The following DNAH6 variants were observed in gnomAD, a reference collection of about 807,000 sequenced individuals.
The protein encoded by DNAH6 is dynein axonemal heavy chain 6.
In DNAH6, 340 loss-of-function variants were observed where a neutral mutation model predicts 491.4. The observed-to-expected ratio is 0.69, with a 90% confidence interval of 0.63 to 0.76. The LOEUF is 0.76. Ranked by LOEUF, DNAH6 falls within the 30% of genes least tolerant of loss-of-function variation. The probability of loss-of-function intolerance (pLI) is 0.00; values close to 1 mark genes in which losing one functional copy is unlikely to be tolerated. For missense variants in DNAH6, 4,443 were observed against 4,972.2 expected (o/e 0.89, Z 3.20); for synonymous variants, 1,603 against 1,686.1 (o/e 0.95, Z 1.21).
At chr2:84,460,252 A>G in the DNAH6 span, among the ~76,000 whole-genome samples, 3 of 152,324 alleles carry the variant, frequency 2.0e-5, no homozygotes, top group East Asian at 1.9e-4. Flanking sequence ...AGATTGCCCA[A>G]TACTTCCTTT....
intron 22 of DNAH6, among the ~76,000 whole-genome samples, chr2:84,612,910 G>A (rs1251303016): frequency 6.6e-6 from 1 of 151,938 alleles, no homozygotes; most frequent in Non-Finnish European, 1.5e-5. Context: ...GCACTCACTT[G>A]TCATGTTGAA....
intron 37 of DNAH6, among the ~76,000 whole-genome samples, chr2:84,662,999 A>T (rs1691682477): frequency 6.6e-6 from 1 of 152,192 alleles, no homozygotes; most frequent in Admixed American, 6.5e-5. Context: ...CCTCCAGCAA[A>T]TTCCAACAGA....
chr2:84,552,470 T>C (rs1446475193), intron 9 of DNAH6, among the ~76,000 whole-genome samples: 1 of 152,224 alleles, frequency 6.6e-6, no homozygotes, highest in African/African-American at 2.4e-5. Context: ...ATTCATCATT[T>C]GTATTTTGCT....
At chr2:84,621,955 A>C (rs1210439928) in intron 26 of DNAH6, among the ~76,000 whole-genome samples, 2 of 152,144 alleles carry the variant, frequency 1.3e-5, no homozygotes, top group Admixed American at 1.3e-4. Context: ...GTTTTGTAAA[A>C]CTGTCAGGCA....
At chr2:84,787,055 A>G (rs1171568493) in intron 67 of DNAH6, 109 bp from the exon 68 acceptor site, 2 of 722,560 alleles carry the variant, frequency 2.8e-6, no homozygotes, top group Non-Finnish European at 2.2e-6. Context: ...CTGATTTTGC[A>G]GTGTGGGGAT....
At chr2:84,750,331 T>TACC (rs1302651191) in intron 63 of DNAH6, among the ~76,000 whole-genome samples, 1 of 151,766 alleles carries the variant, frequency 6.6e-6, no homozygotes, top group Non-Finnish European at 1.5e-5. Context: ...CACAGACATG[T>TACC]ACCACCACGC....
intron 37 of DNAH6, among the ~76,000 whole-genome samples, chr2:84,666,500 C>T (rs1307715940): frequency 6.6e-6 from 1 of 152,230 alleles, no homozygotes; most frequent in South Asian, 2.1e-4. Flanking sequence ...CTCCCATTCA[C>T]AATTGCTTCA....
chr2:84,742,335 GTCTT>G (rs1434665540), intron 62 of DNAH6, among the ~76,000 whole-genome samples: 9 of 152,112 alleles, frequency 5.9e-5, no homozygotes, highest in Non-Finnish European at 1.0e-4. Flanking sequence ...GAACATGAAA[GTCTT>G]TCTTTTAACA....
intron 4 of DNAH6, among the ~76,000 whole-genome samples, chr2:84,535,386 CT>C (rs1677588167): frequency 6.6e-6 from 1 of 151,958 alleles, no homozygotes; most frequent in South Asian, 2.1e-4. Flanking sequence ...GTCCTTTTGC[CT>C]AAATATCTTA....
rs1015617642 is a variant in DNAH6 at position 84,567,686 on chromosome 2, A to G, written c.1804-5781A>G. Among the ~76,000 whole-genome samples, 5 of 152,338 alleles carry G rather than the reference A, an allele frequency of 3.3e-5. No individual in the cohort carries two copies. The South Asian group carries it at 1.0e-3, about 32-fold the overall frequency. On this transcript the variant is annotated intron_variant, in intron 11 of 76. Coordinates refer to ENST00000389394, the MANE Select transcript of DNAH6 (RefSeq NM_001370.2). ...AGATTTAAATGTAAAACCCAAAACTATAAAAACCATAGAAGAAAATCTGGG... is the reference window on the plus strand; with the variant it reads ...AGATTTAAATGTAAAACCCAAAACTGTAAAAACCATAGAAGAAAATCTGGG...
chr2:84,814,254 C>T (rs1039818384), intron 75 of DNAH6, 132 bp downstream of exon 75: 13 of 871,568 alleles, frequency 1.5e-5, no homozygotes, highest in Non-Finnish European at 2.2e-5. Context: ...GTAGTAATCA[C>T]ACCTCCAAGA....
At chr2:84,714,552 G>T (rs552510662) in intron 57 of DNAH6, among the ~76,000 whole-genome samples, 1 of 152,116 alleles carries the variant, frequency 6.6e-6, no homozygotes, top group South Asian at 2.1e-4. Flanking sequence ...GTGCAACAGG[G>T]CGACTACAGT....
intron 43 of DNAH6, 83 bp from the exon 44 acceptor site, chr2:84,686,401 C>T (rs1197696263): frequency 1.3e-6 from 1 of 774,566 alleles, no homozygotes; most frequent in Admixed American, 2.5e-5. Context: ...TAAAATGCAG[C>T]TATTATTCTA....
intron 4 of DNAH6, among the ~76,000 whole-genome samples, chr2:84,542,578 G>A (rs948423039): frequency 5.9e-5 from 9 of 152,030 alleles, no homozygotes; most frequent in African/African-American, 1.9e-4. Context: ...AGCACCATCA[G>A]CCCCCCACAT....
chr2:84,493,131 G>A, the DNAH6 span, among the ~76,000 whole-genome samples: 2 of 152,082 alleles, frequency 1.3e-5, no homozygotes, highest in East Asian at 3.8e-4. Context: ...CTATGATCCA[G>A]TGAAACTTTA....
chr2:84,659,999 G>A (rs1283856917), intron 37 of DNAH6, among the ~76,000 whole-genome samples: 1 of 152,036 alleles, frequency 6.6e-6, no homozygotes, highest in Non-Finnish European at 1.5e-5. Context: ...ATAAGTAAAT[G>A]TATGAAAATT....
intron 70 of DNAH6, among the ~76,000 whole-genome samples, chr2:84,801,369 A>G (rs898845547): frequency 3.3e-5 from 5 of 152,168 alleles, no homozygotes; most frequent in African/African-American, 1.2e-4. Flanking sequence ...ATGCAGATAC[A>G]AGAAATCCAG....
At chr2:84,654,870 C>A in intron 35 of DNAH6, 88 bp downstream of exon 35, 1 of 1,408,884 alleles carries the variant, frequency 7.1e-7, no homozygotes, top group Non-Finnish European at 9.7e-7. Context: ...GTTAAGGACT[C>A]ATGGTTCTTG....
chr2:84,754,206 T>C (rs567945600), intron 63 of DNAH6, among the ~76,000 whole-genome samples: 66 of 149,044 alleles, frequency 4.4e-4, no homozygotes, highest in African/African-American at 1.4e-3. Flanking sequence ...TTTGACGGAG[T>C]TTTGCCCTTG....
Sources: gnomAD v4.1 joint callset for allele counts (sites outside exome capture counted in the v4.1 genomes callset) on GRCh38, gnomAD v4.1.1 for gene constraint, MANE v1.5 for transcripts, NCBI Gene and HGNC (gene_info 2026-07-23, HGNC 2026-07-21) for gene names.